Variants in SLC6A16 observed in about 807,000 individuals in gnomAD.
The protein encoded by SLC6A16 is orphan sodium- and chloride-dependent neurotransmitter transporter NTT5.
SLC6A16 carries 54 observed loss-of-function variants against 65.4 expected under a neutral mutation model. That is an observed-to-expected ratio of 0.83 (90% CI 0.66 to 1.04). The LOEUF (loss-of-function observed/expected upper bound fraction) is 1.04. Among genes scored for constraint, SLC6A16 ranks in the 50% least tolerant of loss-of-function variants. SLC6A16 has a pLI of 0.00. For synonymous variants in SLC6A16, 330 were observed against 346.5 expected (o/e 0.95, Z 0.53); for missense variants, 816 against 914.0 (o/e 0.89, Z 1.38).
chr19:49,334,528 A>T, the SLC6A16 span, among the ~76,000 whole-genome samples: 1 of 147,724 alleles, frequency 6.8e-6, no homozygotes, highest in Non-Finnish European at 1.5e-5. Flanking sequence ...GGACCCAAAG[A>T]AGGGGCCAGA....
chr19:49,340,299 G>A, the SLC6A16 span: 2 of 1,613,592 alleles, frequency 1.2e-6, no homozygotes, highest in Non-Finnish European at 1.7e-6. Flanking sequence ...CCTGGACCAC[G>A]TCTACAACCG....
chr19:49,324,534 A>G (rs536120485), intron 1 of SLC6A16, among the ~76,000 whole-genome samples: 1 of 152,190 alleles, frequency 6.6e-6, no homozygotes, highest in South Asian at 2.1e-4. Flanking sequence ...CTACACCGTC[A>G]TCCCAAGCAA....
chr19:49,338,619 T>A, the SLC6A16 span: 1 of 1,032,714 alleles, frequency 9.7e-7, no homozygotes, highest in South Asian at 1.3e-5. This position sits in a 1 kb window ranked among gnomAD's most constrained non-coding sequence, Gnocchi z 5.0. Context: ...CGACCTGACC[T>A]CATACCCATC....
chr19:49,300,506 C>T (rs1443758106), intron 7 of SLC6A16, among the ~76,000 whole-genome samples: 3 of 151,674 alleles, frequency 2.0e-5, no homozygotes. Flanking sequence ...ATCACTAAAT[C>T]ACTGAAAGAA....
intron 7 of SLC6A16, among the ~76,000 whole-genome samples, chr19:49,298,856 T>A (rs1970231034): frequency 1.3e-5 from 2 of 152,188 alleles, no homozygotes; most frequent in Non-Finnish European, 2.9e-5. Context: ...ACATATATAC[T>A]GTGGAATACT....
the SLC6A16 span, chr19:49,335,743 C>T: frequency 2.0e-5 from 32 of 1,613,342 alleles, no homozygotes; most frequent in Non-Finnish European, 2.5e-5. The surrounding 1 kb of genome is among the most constrained non-coding windows in gnomAD (Gnocchi z 4.6). Context: ...TCTGCTTCGG[C>T]ATCTGGATCC....
chr19:49,312,538 T>G, intron 1 of SLC6A16: 1 of 984,664 alleles, frequency 1.0e-6, no homozygotes, highest in Non-Finnish European at 1.2e-6. Flanking sequence ...ATTCTCCTCC[T>G]TATTCTCCAA....
the SLC6A16 span, among the ~76,000 whole-genome samples, chr19:49,334,466 G>GA: frequency 5.4e-4 from 82 of 152,014 alleles, no homozygotes; most frequent in Admixed American, 9.8e-4. Flanking sequence ...CAGCCTGGGC[G>GA]ACCCTGTCTC....
chr19:49,318,933 G>A (rs1970661609), intron 1 of SLC6A16, among the ~76,000 whole-genome samples: 5 of 134,390 alleles, frequency 3.7e-5, no homozygotes, highest in Admixed American at 2.6e-4. Context: ...GGCTGGTCTC[G>A]AACTCCTGAT....
chr19:49,309,675 G>T lies in SLC6A16; in HGVS notation c.852C>A (p.Ile284=). 6.2e-7 allele frequency: 1 copy of T among 1,613,968 alleles called. No homozygotes were observed. Among genetic ancestry groups the T allele is most frequent in the South Asian group, 1.1e-5 (1 of 91,068 alleles). ...LCWCLVGAFM[I]NGLKSTGKVI... ...CCTTCCCAGTGGACTTGAGCCCATT[G>T]ATCATGAAAGCACCAACAAGACACC... Residue 284 remains isoleucine (I), a synonymous_variant, in exon 5 of 12, where the codon ATC becomes ATA. Coordinates refer to ENST00000335875, the MANE Select transcript of SLC6A16 (RefSeq NM_014037.3).
At chr19:49,293,116 A>T in intron 10 of SLC6A16, 107 bp downstream of exon 10, 1 of 944,102 alleles carries the variant, frequency 1.1e-6, no homozygotes, top group Non-Finnish European at 1.6e-6. Flanking sequence ...CTCTGAACTT[A>T]AGGGTCCCTA....
intron 1 of SLC6A16, among the ~76,000 whole-genome samples, chr19:49,323,266 A>C (rs1970744201): frequency 6.6e-6 from 1 of 152,188 alleles, no homozygotes; most frequent in Non-Finnish European, 1.5e-5. Flanking sequence ...AAATTCTTAG[A>C]ATAAAACATA....
the SLC6A16 span, chr19:49,335,543 G>T: frequency 1.2e-6 from 2 of 1,613,376 alleles, no homozygotes; most frequent in Middle Eastern, 1.6e-4. The surrounding 1 kb of genome is among the most constrained non-coding windows in gnomAD (Gnocchi z 4.6). Flanking sequence ...AGGTGAAGAT[G>T]TCAGCCCAGG....
intron 1 of SLC6A16, among the ~76,000 whole-genome samples, chr19:49,319,609 A>C (rs898129281): frequency 6.6e-6 from 1 of 152,006 alleles, no homozygotes; most frequent in African/African-American, 2.4e-5. Flanking sequence ...ACAGTTCTAC[A>C]ATAATAACTG....
At chr19:49,339,874 C>G in the SLC6A16 span, 1 of 1,342,430 alleles carries the variant, frequency 7.4e-7, no homozygotes, top group Non-Finnish European at 9.6e-7. The surrounding 1 kb of genome is among the most constrained non-coding windows in gnomAD (Gnocchi z 4.5). Flanking sequence ...GCCCATGGCC[C>G]TGGGGCTCTG....
the SLC6A16 span, chr19:49,338,767 C>T: frequency 1.7e-5 from 27 of 1,613,666 alleles, no homozygotes; most frequent in Non-Finnish European, 2.3e-5. This position sits in a 1 kb window ranked among gnomAD's most constrained non-coding sequence, Gnocchi z 5.0. Flanking sequence ...GGTAACGGGT[C>T]GGAGGCGCAC....
At chr19:49,315,143 T>A (rs910356228) in intron 1 of SLC6A16, among the ~76,000 whole-genome samples, 6 of 152,202 alleles carry the variant, frequency 3.9e-5, no homozygotes, top group Middle Eastern at 3.2e-3. Flanking sequence ...AAACTTCTGC[T>A]ACATAAACAA....
intron 1 of SLC6A16, among the ~76,000 whole-genome samples, chr19:49,320,318 G>A (rs1310622719): frequency 6.6e-6 from 1 of 151,770 alleles, no homozygotes; most frequent in Non-Finnish European, 1.5e-5. Context: ...TGAGGCAGGA[G>A]AATCGCTTGA....
chr19:49,293,006 A>G (rs1232298359), intron 10 of SLC6A16: 1 of 477,214 alleles, frequency 2.1e-6, no homozygotes, highest in Non-Finnish European at 3.7e-6. Flanking sequence ...TCTTTTATTC[A>G]ATGCCCCTAT....
Sources: gnomAD v4.1 joint callset for allele counts (sites outside exome capture counted in the v4.1 genomes callset) on GRCh38, gnomAD v4.1.1 for gene constraint, Gnocchi (gnomAD v3.1) non-coding constraint, MANE v1.5 for transcripts, NCBI Gene and HGNC (gene_info 2026-07-23, HGNC 2026-07-21) for gene names.